ITGA8: variants seen among roughly 807,000 people sequenced by gnomAD.
The protein encoded by ITGA8 is integrin subunit alpha 8.
Under a neutral mutation model 142.3 loss-of-function variants are expected in ITGA8, and 91 were observed. The observed-to-expected ratio is 0.64, with a 90% CI of 0.54 to 0.76. ITGA8 has a LOEUF of 0.76. Ranked by LOEUF, ITGA8 falls within the 30% of genes least tolerant of loss-of-function variation. The pLI, the probability that ITGA8 is intolerant of heterozygous loss-of-function variation, is 0.00. For synonymous variants in ITGA8, 505 were observed against 485.2 expected (o/e 1.04, Z -0.54); for missense variants, 1,406 against 1,327.7 (o/e 1.06, Z -0.92).
At chr10:15,537,749 G>A (rs1437491781) in intron 27 of ITGA8, among the ~76,000 whole-genome samples, 1 of 152,100 alleles carries the variant, frequency 6.6e-6, no homozygotes, top group African/African-American at 2.4e-5. Context: ...AGTAACAGGA[G>A]GAATGTGTTG....
chr10:15,525,164 A>C (rs977746799), intron 28 of ITGA8, among the ~76,000 whole-genome samples: 3 of 152,102 alleles, frequency 2.0e-5, no homozygotes, highest in African/African-American at 7.2e-5. Flanking sequence ...GTGTACCACC[A>C]TGCCTGGTGG....
intron 26 of ITGA8, among the ~76,000 whole-genome samples, chr10:15,554,990 A>G (rs1420702449): frequency 6.6e-6 from 1 of 152,180 alleles, no homozygotes; most frequent in Admixed American, 6.5e-5. Flanking sequence ...ACAGATGAGA[A>G]AATCAGGGAT....
intron 28 of ITGA8, among the ~76,000 whole-genome samples, chr10:15,526,870 T>C (rs1193092573): frequency 6.6e-6 from 1 of 152,234 alleles, no homozygotes; most frequent in Non-Finnish European, 1.5e-5. Flanking sequence ...TAAATCTTGT[T>C]GTTTTTTATT....
chr10:15,648,384 T>C (rs567506983), intron 11 of ITGA8, among the ~76,000 whole-genome samples: 2 of 151,298 alleles, frequency 1.3e-5, no homozygotes, highest in South Asian at 2.1e-4. Flanking sequence ...ATTAATATAA[T>C]TGAGTTATAA....
chr10:15,635,517 A>C (rs1415665170), intron 13 of ITGA8, among the ~76,000 whole-genome samples: 2 of 152,092 alleles, frequency 1.3e-5, no homozygotes, highest in South Asian at 2.1e-4. Flanking sequence ...ACGTGGGAGA[A>C]CTGGTTCTAG....
chr10:15,612,162 CT>C (rs1370192447), intron 15 of ITGA8, among the ~76,000 whole-genome samples: 1 of 152,142 alleles, frequency 6.6e-6, no homozygotes, highest in African/African-American at 2.4e-5. Context: ...TTTTCCAACT[CT>C]TTTCAAGAGC....
chr10:15,633,372 C>T (rs991200996), intron 13 of ITGA8, among the ~76,000 whole-genome samples: 18 of 152,140 alleles, frequency 1.2e-4, no homozygotes, highest in African/African-American at 4.8e-5. Context: ...AACTAGGCAA[C>T]ATTTTCATTA....
intron 25 of ITGA8, among the ~76,000 whole-genome samples, chr10:15,562,007 C>G (rs1833991704): frequency 6.6e-6 from 1 of 152,186 alleles, no homozygotes; most frequent in South Asian, 2.1e-4. Context: ...AACATCAAAT[C>G]TCGTGAGAAC....
At chr10:15,521,616 C>A (rs1164339874) in intron 28 of ITGA8, among the ~76,000 whole-genome samples, 2 of 152,162 alleles carry the variant, frequency 1.3e-5, no homozygotes, top group Non-Finnish European at 2.9e-5. Context: ...ATTACATTTT[C>A]TTCCTATGCC....
intron 25 of ITGA8, among the ~76,000 whole-genome samples, chr10:15,568,643 T>C (rs191721119): frequency 2.0e-3 from 312 of 152,310 alleles, no homozygotes; most frequent in Non-Finnish European, 3.7e-3. Flanking sequence ...ATGTTTGGCA[T>C]TCAGAATGCA....
chr10:15,614,314 A>G (rs1184267569), intron 14 of ITGA8, among the ~76,000 whole-genome samples: 5 of 152,216 alleles, frequency 3.3e-5, no homozygotes, highest in African/African-American at 1.2e-4. Context: ...GGGTTTGCAG[A>G]ATAATTCTGT....
intron 20 of ITGA8, among the ~76,000 whole-genome samples, chr10:15,601,031 G>C (rs963092942): frequency 6.6e-6 from 1 of 152,150 alleles, no homozygotes; most frequent in African/African-American, 2.4e-5. Context: ...CTTGAGGTCA[G>C]GAGTTCAAGA....
At chr10:15,584,537 C>T (rs74511860) in intron 23 of ITGA8, among the ~76,000 whole-genome samples, 1 of 152,098 alleles carries the variant, frequency 6.6e-6, no homozygotes, top group East Asian at 1.9e-4. Flanking sequence ...ACCCACTTCT[C>T]ACAGGAGTGT....
chr10:15,692,654 A>G (rs992470458), intron 2 of ITGA8, among the ~76,000 whole-genome samples: 1 of 152,242 alleles, frequency 6.6e-6, no homozygotes, highest in Non-Finnish European at 1.5e-5. Flanking sequence ...ACATGTCTAC[A>G]CAGCCACAGT....
In ITGA8 at chr10:15,519,562, A is replaced by G. The variant is rs942132932; in HGVS notation, c.2983-150T>C. ...GGGGATATTTGAGAGGTAGCACTCGAACATGAACTCTTAAAAGCTAGCATG... is the reference window on the plus strand; with the variant it reads ...GGGGATATTTGAGAGGTAGCACTCGGACATGAACTCTTAAAAGCTAGCATG... On this transcript the variant is annotated intron_variant, in intron 28 of 29. Coordinates refer to ENST00000378076, the MANE Select transcript of ITGA8 (RefSeq NM_003638.3). The G allele has an allele frequency of 4.8e-6, 4 of 826,994 alleles. No individual in the cohort carries two copies. The African/African-American group carries it at 6.8e-5, about 14-fold the overall frequency. The allele number at this position is 826,994 out of a possible 1,614,324, so 51.2% of individuals were successfully genotyped here.
intron 8 of ITGA8, among the ~76,000 whole-genome samples, chr10:15,662,274 A>C (rs1435295850): frequency 9.2e-5 from 14 of 151,778 alleles, no homozygotes; most frequent in Non-Finnish European, 4.4e-5. Context: ...TTGCAAGAAA[A>C]AATAGGAGAC....
chr10:15,581,719 G>T (rs1007696777), intron 23 of ITGA8, among the ~76,000 whole-genome samples: 2 of 152,104 alleles, frequency 1.3e-5, no homozygotes, highest in Non-Finnish European at 2.9e-5. Context: ...AAAACTACTG[G>T]AATTTACAAA....
In ITGA8 at chr10:15,519,446, G is replaced by A. The variant is rs766213330; in HGVS notation, c.2983-34C>T. ...GAAAACAAAGCAAATGAGCTCTAAT[G>A]CGAAAACTATTTGGTGAAATAAAAT... On this transcript the variant is annotated intron_variant, in intron 28 of 29. Transcript: ENST00000378076. 36 of 1,610,364 alleles carry A rather than the reference G, an allele frequency of 2.2e-5. 1 individual carries two copies. In the South Asian group the frequency reaches 4.0e-4, roughly 18 times the overall value.
intron 27 of ITGA8, among the ~76,000 whole-genome samples, chr10:15,545,439 T>C (rs773616297): frequency 1.3e-5 from 2 of 152,306 alleles, no homozygotes; most frequent in Non-Finnish European, 2.9e-5. Context: ...TATTGCCCTT[T>C]CAAAGCTGTT....
Sources: gnomAD v4.1 joint callset for allele counts (sites outside exome capture counted in the v4.1 genomes callset) on GRCh38, gnomAD v4.1.1 for gene constraint, MANE v1.5 for transcripts, NCBI Gene and HGNC (gene_info 2026-07-23, HGNC 2026-07-21) for gene names.